Variants in RABGEF1 observed in about 807,000 individuals in gnomAD.
RABGEF1 encodes rab5 GDP/GTP exchange factor.
A neutral mutation model predicts 57.3 loss-of-function variants in RABGEF1; 26 were observed. The ratio of observed to expected loss-of-function variants is 0.45; its 90% CI spans 0.33 to 0.63. RABGEF1 has a LOEUF of 0.63. Ranked by LOEUF, RABGEF1 falls within the 20% of genes least tolerant of loss-of-function variation. RABGEF1 has a pLI of 0.02. For synonymous variants in RABGEF1, 185 were observed against 210.7 expected (o/e 0.88, Z 1.06); for missense variants, 464 against 607.6 (o/e 0.76, Z 2.48).
chr7:66,764,736 A>G (rs1159753951), intron 1 of RABGEF1, among the ~76,000 whole-genome samples: 2 of 152,204 alleles, frequency 1.3e-5, no homozygotes, highest in African/African-American at 2.4e-5. Flanking sequence ...TCCATTGAGT[A>G]GTCTTGGTAC....
At chr7:66,792,325 T>A (rs1812899609) in intron 4 of RABGEF1, among the ~76,000 whole-genome samples, 1 of 152,212 alleles carries the variant, frequency 6.6e-6, no homozygotes, top group East Asian at 1.9e-4. Context: ...GAGAGTTACC[T>A]TATTTGCAGG....
intron 2 of RABGEF1, among the ~76,000 whole-genome samples, chr7:66,772,838 G>A (rs1807485950): frequency 1.3e-5 from 2 of 151,822 alleles, no homozygotes; most frequent in African/African-American, 2.4e-5. Flanking sequence ...CTTGAACCCA[G>A]GTATCGGAGG....
At chr7:66,659,844 A>G in the RABGEF1 span, among the ~76,000 whole-genome samples, 2 of 151,950 alleles carry the variant, frequency 1.3e-5, no homozygotes, top group Admixed American at 6.6e-5. Flanking sequence ...CTAACTATAC[A>G]CTTTAAAGGA....
At chr7:66,758,132 G>C (rs775853611) in intron 1 of RABGEF1, among the ~76,000 whole-genome samples, 41 of 152,158 alleles carry the variant, frequency 2.7e-4, no homozygotes, top group South Asian at 6.2e-4. Flanking sequence ...ACCTCTGAGG[G>C]CATGACATTG....
chr7:66,721,987 G>A (rs746725863), intron 2 of RABGEF1, among the ~76,000 whole-genome samples: 3 of 152,006 alleles, frequency 2.0e-5, no homozygotes, highest in Middle Eastern at 3.4e-3. Context: ...CCCCCCCTCC[G>A]TCTTTTCAAA....
chr7:66,774,917 C>A (rs564333359), intron 2 of RABGEF1, among the ~76,000 whole-genome samples: 3 of 152,324 alleles, frequency 2.0e-5, no homozygotes, highest in Admixed American at 6.5e-5. Context: ...CTGTCCCATT[C>A]TGTAGCAGTT....
intron 1 of RABGEF1, among the ~76,000 whole-genome samples, chr7:66,761,235 A>G (rs749373528): frequency 3.3e-4 from 50 of 152,152 alleles, no homozygotes; most frequent in Admixed American, 1.9e-3. Flanking sequence ...CTACCAGGAG[A>G]TAGTGTCAGA....
chr7:66,744,041 CT>C (rs111338333), intron 1 of RABGEF1, among the ~76,000 whole-genome samples: 114 of 94,968 alleles, frequency 1.2e-3, no homozygotes, highest in East Asian at 1.6e-3. Flanking sequence ...CTTTTCTTTT[CT>C]TTTTTTTTTT....
At chr7:66,807,048 G>A (rs1202728626) in intron 8 of RABGEF1, among the ~76,000 whole-genome samples, 1 of 152,140 alleles carries the variant, frequency 6.6e-6, no homozygotes, top group Non-Finnish European at 1.5e-5. Context: ...AAGTCCCTGA[G>A]AAGTGTGAAG....
intron 1 of RABGEF1, among the ~76,000 whole-genome samples, chr7:66,743,547 G>A (rs1433096580): frequency 6.6e-6 from 1 of 152,024 alleles, no homozygotes; most frequent in Non-Finnish European, 1.5e-5. Flanking sequence ...TGTCGCCCAG[G>A]CTGGAGTGCA....
rs577554121 is a variant in RABGEF1 at position 66,714,721 on chromosome 7, G to T, written c.-815+2497G>T. On this transcript the variant is annotated intron_variant and NMD_transcript_variant, in intron 2 of 9. Coordinates refer to the RABGEF1 transcript ENST00000607882. ...GAGGCCCAGGCGGGCGGATCATGAGGTCAGGAGATCATGACCATCCTGGCT... is the reference window on the plus strand; with the variant it reads ...GAGGCCCAGGCGGGCGGATCATGAGTTCAGGAGATCATGACCATCCTGGCT... Among the ~76,000 whole-genome samples, 4 of 152,268 alleles carry T rather than the reference G, an allele frequency of 2.6e-5. No individual in the cohort carries two copies. In the East Asian group the frequency reaches 7.7e-4, roughly 29 times the overall value.
chr7:66,725,879 T>G (rs953605624), intron 2 of RABGEF1, among the ~76,000 whole-genome samples: 2 of 152,154 alleles, frequency 1.3e-5, no homozygotes, highest in African/African-American at 4.8e-5. Flanking sequence ...CGTGGACCCT[T>G]CCATGTGAAG....
In RABGEF1 at chr7:66,791,125, G is replaced by A. The variant is rs530580573; in HGVS notation, c.514-4386G>A. On this transcript the variant is annotated intron_variant, in intron 4 of 8. Transcript: ENST00000284957. ...GATGACCTTTATGAAGAACATATGC[G>A]TTCCTTAGACACTGTCTAGCTGCTA... is the stretch of plus-strand genomic sequence containing the variant. 1.4e-4 allele frequency among the ~76,000 whole-genome samples: 21 copies of A among 152,308 alleles called. 1 individual carries two copies. The highest frequency in any genetic ancestry group is 1.0e-3 in the South Asian group (5 of 4,832).
At chr7:66,688,085 C>CGAA (rs1790957757) in intron 1 of RABGEF1, among the ~76,000 whole-genome samples, 1 of 109,168 alleles carries the variant, frequency 9.2e-6, no homozygotes. Context: ...AACTCTGTGT[C>CGAA]AAAAAAAAAA....
At chr7:66,712,751 G>A (rs1794914625) in intron 2 of RABGEF1, among the ~76,000 whole-genome samples, 3 of 152,054 alleles carry the variant, frequency 2.0e-5, no homozygotes, top group African/African-American at 7.2e-5. Flanking sequence ...GGGATTATAG[G>A]CGTGAGCCAC....
At chr7:66,744,234 T>A (rs1355613212) in intron 1 of RABGEF1, among the ~76,000 whole-genome samples, 7 of 151,666 alleles carry the variant, frequency 4.6e-5, no homozygotes, top group Non-Finnish European at 1.0e-4. Context: ...GTATTTTAAT[T>A]TTTTCTGCTT....
intron 1 of RABGEF1, among the ~76,000 whole-genome samples, chr7:66,697,326 AC>A (rs935511737): frequency 9.9e-5 from 15 of 152,142 alleles, no homozygotes; most frequent in African/African-American, 3.6e-4. Context: ...GTGGCGTCTC[AC>A]AAGTCTTGCA....
rs755614976 is a variant in RABGEF1 at position 66,783,843 on chromosome 7, T to A, written c.513+2T>A. 6.2e-7 allele frequency: 1 copy of A among 1,611,426 alleles called. No homozygotes were observed. Among genetic ancestry groups the A allele is most frequent in the Non-Finnish European group, 8.5e-7 (1 of 1,178,460 alleles). On this transcript the variant is annotated splice_donor_variant, in intron 4 of 8. Transcript: ENST00000284957. LOFTEE classifies it high-confidence loss of function. Reference sequence around the variant, plus strand: ...TTGGAAGGAATGCATTACAAAAGGGTAGGTTGAGAATAACCACGTAGAAAC... The same window carrying A: ...TTGGAAGGAATGCATTACAAAAGGGAAGGTTGAGAATAACCACGTAGAAAC...
chr7:66,706,190 C>T (rs1794063981), intron 1 of RABGEF1, among the ~76,000 whole-genome samples: 1 of 151,948 alleles, frequency 6.6e-6, no homozygotes, highest in East Asian at 1.9e-4. Context: ...ACATGAGCCA[C>T]CGTGCCCGGC....
Sources: allele counts gnomAD v4.1 joint callset (sites outside exome capture counted in the v4.1 genomes callset), GRCh38; gene constraint gnomAD v4.1.1; transcripts MANE v1.5; gene names NCBI Gene and HGNC (gene_info 2026-07-23, HGNC 2026-07-21).